Variants in DNAJC3 observed in about 807,000 individuals in gnomAD.
The protein encoded by DNAJC3 is dnaJ homolog subfamily C member 3.
Under a neutral mutation model 68.6 loss-of-function variants are expected in DNAJC3, and 38 were observed. The ratio of observed to expected loss-of-function variants is 0.55; its 90% CI spans 0.43 to 0.73. The LOEUF (loss-of-function observed/expected upper bound fraction) is 0.73, where lower values mean the gene tolerates loss of function less well. DNAJC3 is among the 30% of genes least tolerant of loss of function. DNAJC3 has a pLI of 0.00. For synonymous variants in DNAJC3, 203 were observed against 204.0 expected (o/e 1.00, Z 0.04); for missense variants, 526 against 591.9 (o/e 0.89, Z 1.16).
At chr13:95,741,772 A>G (rs1042595589) in intron 4 of DNAJC3, among the ~76,000 whole-genome samples, 1 of 152,140 alleles carries the variant, frequency 6.6e-6, no homozygotes, top group Non-Finnish European at 1.5e-5. Context: ...CTGTGGTGGC[A>G]TGGCAAGCTG....
At chr13:95,693,877 G>A (rs761752871) in intron 1 of DNAJC3, 2 of 151,956 alleles carry the variant, frequency 1.3e-5, no homozygotes, top group African/African-American at 4.8e-5. Flanking sequence ...ACAGACCCAC[G>A]TTACAGCCTC....
intron 4 of DNAJC3, among the ~76,000 whole-genome samples, chr13:95,728,939 C>T (rs913164830): frequency 2.6e-5 from 4 of 152,028 alleles, no homozygotes; most frequent in Non-Finnish European, 4.4e-5. Flanking sequence ...TCTTCATCCC[C>T]GCCTCCCACT....
chr13:95,794,423 A>C lies in DNAJC3; in HGVS notation c.*3393A>C, dbSNP rs1016455070. ...TTTTCACTGAGCACACAGCAATGGT[A>C]TCACCTAGAGAAGTTCACGCAACTT... On this transcript the variant is annotated 3_prime_UTR_variant, in exon 12 of 12. Coordinates refer to ENST00000602402, the MANE Select transcript of DNAJC3 (RefSeq NM_006260.5). The C allele has an allele frequency of 1.3e-5, 2 of 152,252 alleles. No individual in the cohort carries two copies. Among genetic ancestry groups the C allele is most frequent in the African/African-American group, 4.8e-5 (2 of 41,466 alleles). The allele number at this position is 152,252 out of a possible 1,614,324, so 9.4% of individuals were successfully genotyped here. A position where few individuals can be genotyped will look rare whatever the true frequency, so the allele number is the denominator to read the frequency against.
At chr13:95,714,321 G>A (rs1881067523) in intron 2 of DNAJC3, among the ~76,000 whole-genome samples, 1 of 151,536 alleles carries the variant, frequency 6.6e-6, no homozygotes, top group Non-Finnish European at 1.5e-5. Flanking sequence ...CTTGAGCTCA[G>A]GTGCAGTGAG....
rs1390087261 is a variant in DNAJC3, at chr13:95,792,066, G to A, written c.*1036G>A. 2 of 152,174 alleles carry A rather than the reference G, an allele frequency of 1.3e-5. No homozygotes were observed. Among genetic ancestry groups the A allele is most frequent in the East Asian group, 3.9e-4 (2 of 5,190 alleles). The allele number at this position is 152,174 out of a possible 1,614,324, so 9.4% of individuals were successfully genotyped here. On this transcript the variant is annotated 3_prime_UTR_variant, in exon 12 of 12. Coordinates refer to ENST00000602402, the MANE Select transcript of DNAJC3 (RefSeq NM_006260.5). ...CCACGTGGGACCTGTCTGCTGGTAT[G>A]TGTTAAACAGCAGACCGGCCCTTCT...
At position 95,791,320 on chromosome 13, in the gene DNAJC3, A is replaced by G. The variant is rs1594035594; in HGVS notation, c.*290A>G. The G allele has an allele frequency of 5.6e-6, 2 of 357,976 alleles. No homozygotes were observed. The highest frequency in any genetic ancestry group is 6.9e-5 in the East Asian group (1 of 14,424). 22.2% of individuals were successfully genotyped at this position (357,976 alleles called of 1,614,324 possible). On this transcript the variant is annotated 3_prime_UTR_variant, in exon 12 of 12. Transcript: ENST00000602402. The stretch of plus-strand genomic sequence containing the variant: ...GGCTCACCCGTGGAAGTGCTCACGT[A>G]TTCTGTATTATTTTTCTACACTGGA...
At chr13:95,760,878 T>A in intron 7 of DNAJC3, 80 bp downstream of exon 7, 6 of 1,523,232 alleles carry the variant, frequency 3.9e-6, no homozygotes, top group Non-Finnish European at 4.4e-6. Context: ...AGAACTGCTC[T>A]TTTACTTCTC....
intron 4 of DNAJC3, among the ~76,000 whole-genome samples, chr13:95,747,403 C>T (rs1486049584): frequency 6.6e-6 from 1 of 152,264 alleles, no homozygotes. Context: ...TAAAAGGATG[C>T]ATCCGTGTAA....
intron 9 of DNAJC3, among the ~76,000 whole-genome samples, chr13:95,767,859 T>G (rs1883041387): frequency 6.6e-6 from 1 of 150,522 alleles, no homozygotes; most frequent in African/African-American, 2.5e-5. Context: ...CTGGCTTTTT[T>G]TTTTCTTTTT....
At chr13:95,755,390 G>T (rs1332723877) in intron 4 of DNAJC3, among the ~76,000 whole-genome samples, 1 of 152,012 alleles carries the variant, frequency 6.6e-6, no homozygotes, top group Admixed American at 6.6e-5. Context: ...GCTGGAGATT[G>T]CAGTGAGCTA....
At chr13:95,709,628 CTTT>C (rs955053415) in intron 2 of DNAJC3, among the ~76,000 whole-genome samples, 4 of 112,174 alleles carry the variant, frequency 3.6e-5, no homozygotes, top group African/African-American at 7.2e-5. Context: ...TGGCTTCTGA[CTTT>C]TTTTTTTTTT....
rs989480680 is a variant in DNAJC3 at position 95,791,542 on chromosome 13, T to C, written c.*512T>C. The C allele has an allele frequency of 4.4e-5, 7 of 160,180 alleles. No individual in the cohort carries two copies. Among genetic ancestry groups the C allele is most frequent in the African/African-American group, 1.7e-4 (7 of 41,474 alleles). The allele number at this position is 160,180 out of a possible 1,614,324, so 9.9% of individuals were successfully genotyped here. ...CACTTGTGAGTAGCTGTGAAATCTTTAGTGTGCATGTGTTTGCACCTCTGT... is the reference window on the plus strand; with the variant it reads ...CACTTGTGAGTAGCTGTGAAATCTTCAGTGTGCATGTGTTTGCACCTCTGT... On this transcript the variant is annotated 3_prime_UTR_variant, in exon 12 of 12. Transcript: ENST00000602402.
chr13:95,677,242 G>T lies in DNAJC3; in HGVS notation c.-14G>T. On this transcript the variant is annotated 5_prime_UTR_variant, in exon 1 of 12. Coordinates refer to ENST00000602402, the MANE Select transcript of DNAJC3 (RefSeq NM_006260.5). Reference sequence around the variant, plus strand: ...CACACACCTTTCCTCCTCTTCACTCGCGAGCCCTCGGACATGGTGGCCCCC... The same window carrying T: ...CACACACCTTTCCTCCTCTTCACTCTCGAGCCCTCGGACATGGTGGCCCCC... 1 of 1,600,492 alleles carries T rather than the reference G, an allele frequency of 6.2e-7. No homozygotes were observed.
intron 9 of DNAJC3, among the ~76,000 whole-genome samples, chr13:95,777,066 T>C (rs974832533): frequency 3.3e-5 from 5 of 152,238 alleles, no homozygotes; most frequent in Non-Finnish European, 5.9e-5. Context: ...GTTCATCTTA[T>C]AGTAGTTTCC....
At chr13:95,737,377 A>T (rs1881961509) in intron 4 of DNAJC3, among the ~76,000 whole-genome samples, 1 of 151,928 alleles carries the variant, frequency 6.6e-6, no homozygotes, top group South Asian at 2.1e-4. Flanking sequence ...TATTGATTGG[A>T]ATAGTTTCAG....
intron 1 of DNAJC3, chr13:95,694,080 C>T: frequency 6.6e-6 from 1 of 152,236 alleles, no homozygotes. Flanking sequence ...CACCTGCACC[C>T]ACAGAATCCT....
At chr13:95,755,806 A>G (rs1047908454) in intron 4 of DNAJC3, among the ~76,000 whole-genome samples, 1 of 151,302 alleles carries the variant, frequency 6.6e-6, no homozygotes, top group African/African-American at 2.4e-5. Context: ...AAATCCCCCA[A>G]AACCCTAATT....
chr13:95,699,824 T>C lies in DNAJC3; in HGVS notation c.83-9403T>C, dbSNP rs192995194. ...CTCCTCATAAAGTTTCTTTTTTCTTTTCTTTTTCTTTTTTAAACATTTTTG... is the reference window on the plus strand; with the variant it reads ...CTCCTCATAAAGTTTCTTTTTTCTTCTCTTTTTCTTTTTTAAACATTTTTG... On this transcript the variant is annotated intron_variant, in intron 1 of 11. Coordinates refer to ENST00000602402, the MANE Select transcript of DNAJC3 (RefSeq NM_006260.5). Among the ~76,000 whole-genome samples the C allele has an allele frequency of 1.1e-3, 166 of 150,900 alleles. 1 individual carries two copies. The highest frequency in any genetic ancestry group is 4.0e-3 in the African/African-American group (160 of 40,204).
chr13:95,744,888 C>T (rs1882256127), intron 4 of DNAJC3: 1 of 151,950 alleles, frequency 6.6e-6, no homozygotes, highest in Admixed American at 6.6e-5. Flanking sequence ...TTAAGTTGAG[C>T]AAAAATCAAG....
Sources: allele counts gnomAD v4.1 joint callset (sites outside exome capture counted in the v4.1 genomes callset), GRCh38; gene constraint gnomAD v4.1.1; transcripts MANE v1.5; gene names NCBI Gene and HGNC (gene_info 2026-07-23, HGNC 2026-07-21).